MANBA: variants seen among roughly 807,000 people sequenced by gnomAD.
The protein encoded by MANBA is mannosidase beta.
In MANBA, 83 loss-of-function variants were observed where a neutral mutation model predicts 111.1. The ratio of observed to expected loss-of-function variants is 0.75; its 90% CI spans 0.63 to 0.90. The LOEUF (loss-of-function observed/expected upper bound fraction) is 0.90, where lower values mean the gene tolerates loss of function less well. MANBA is among the 40% of genes least tolerant of loss of function. The pLI, the probability that MANBA is intolerant of heterozygous loss-of-function variation, is 0.00. For synonymous variants in MANBA, 370 were observed against 378.7 expected (o/e 0.98, Z 0.27); for missense variants, 1,036 against 1,069.0 (o/e 0.97, Z 0.43).
chr4:102,668,078 A>G (rs1731305629), intron 10 of MANBA: 1 of 152,206 alleles, frequency 6.6e-6, no homozygotes, highest in Non-Finnish European at 1.5e-5. Context: ...ATGTATTGAC[A>G]AGCATCCCAC....
intron 8 of MANBA, among the ~76,000 whole-genome samples, chr4:102,671,652 T>C (rs1328271662): frequency 6.6e-6 from 1 of 152,238 alleles, no homozygotes; most frequent in Non-Finnish European, 1.5e-5. Context: ...TTTTTAAAAT[T>C]AAATTTATGT....
At chr4:102,751,503 A>G (rs1723790295) in intron 1 of MANBA, 1 of 531,350 alleles carries the variant, frequency 1.9e-6, no homozygotes, top group East Asian at 5.4e-5. Context: ...TGACCTTAGT[A>G]ACATCATCAA....
At chr4:102,718,527 T>C (rs958222125) in intron 4 of MANBA, among the ~76,000 whole-genome samples, 9 of 152,016 alleles carry the variant, frequency 5.9e-5, no homozygotes, top group African/African-American at 1.9e-4. Flanking sequence ...GCCAGAGATG[T>C]AAACGGAAAA....
rs768556902 is a variant in MANBA at position 102,760,918 on chromosome 4, T to A, written c.-24A>T. ...ATCTTGAGATCCCGCGCCACCGAGA[T>A]GTGGAGAGATCGAAAGGCAGCGCTG... On this transcript the variant is annotated 5_prime_UTR_variant, in exon 1 of 17. Coordinates refer to ENST00000647097, the MANE Select transcript of MANBA (RefSeq NM_005908.4). The A allele has an allele frequency of 2.8e-5, 44 of 1,546,206 alleles. No individual in the cohort carries two copies. The South Asian group carries it at 5.2e-4, about 18-fold the overall frequency.
intron 9 of MANBA, among the ~76,000 whole-genome samples, chr4:102,669,743 G>T (rs1449333571): frequency 6.6e-6 from 1 of 152,192 alleles, no homozygotes; most frequent in Admixed American, 6.5e-5. Context: ...AATTTTGGGA[G>T]GCCAAGGTGG....
intron 1 of MANBA, chr4:102,752,236 G>C: frequency 3.0e-6 from 3 of 984,018 alleles, no homozygotes; most frequent in East Asian, 2.4e-5. Context: ...AGGATGTTGA[G>C]TCTGACAGTC....
chr4:102,643,096 TG>T (rs1729952547), intron 13 of MANBA, among the ~76,000 whole-genome samples: 1 of 152,150 alleles, frequency 6.6e-6, no homozygotes, highest in Non-Finnish European at 1.5e-5. Context: ...AACACCATAC[TG>T]GGAAGCAGTC....
chr4:102,706,530 T>C (rs28880291), intron 5 of MANBA, among the ~76,000 whole-genome samples: 4,229 of 152,188 alleles, frequency 0.028, 134 homozygotes, highest in African/African-American at 0.078. Flanking sequence ...GATATAAACA[T>C]GAGGACACAA....
At position 102,671,128 on chromosome 4, in the gene MANBA, C is replaced by T. The variant is rs227362; in HGVS notation, c.1230+153G>A. 0.026 allele frequency: 16,562 copies of T among 635,754 alleles called. 319 individuals carry two copies. The highest frequency in any genetic ancestry group is 0.056 in the South Asian group (3,228 of 57,404). 39.4% of individuals were successfully genotyped at this position (635,754 alleles called of 1,614,324 possible). ...AATTATGGTAGTTGATCACCTATGG[C>T]TCTTGGTTTACAAGATGCCATTTAT... On this transcript the variant is annotated intron_variant, in intron 9 of 16. Transcript: ENST00000647097.
At chr4:102,692,042 A>T (rs769148419) in intron 5 of MANBA, among the ~76,000 whole-genome samples, 6 of 152,182 alleles carry the variant, frequency 3.9e-5, no homozygotes, top group Non-Finnish European at 7.4e-5. Context: ...CTTTTCGAAC[A>T]GGTAAGGAGT....
chr4:102,650,877 G>T, intron 12 of MANBA, 176 bp from the exon 13 acceptor site: 1 of 599,252 alleles, frequency 1.7e-6, no homozygotes, highest in Non-Finnish European at 3.0e-6. Context: ...TGAAGGACTA[G>T]CCTTGTGGAA....
chr4:102,699,719 T>C (rs2110255638), intron 5 of MANBA, among the ~76,000 whole-genome samples: 1 of 151,158 alleles, frequency 6.6e-6, no homozygotes. Context: ...CACTTGATCA[T>C]GGTGGATAAG....
intron 11 of MANBA, among the ~76,000 whole-genome samples, chr4:102,662,281 C>A (rs1030258985): frequency 6.6e-6 from 1 of 152,122 alleles, no homozygotes; most frequent in South Asian, 2.1e-4. Context: ...GTGGCTCACA[C>A]CTGTAATCCC....
At chr4:102,645,821 A>C (rs566575634) in intron 13 of MANBA, among the ~76,000 whole-genome samples, 2 of 152,230 alleles carry the variant, frequency 1.3e-5, no homozygotes, top group East Asian at 1.9e-4. Context: ...TATTCAAAGA[A>C]CTAACTTTTG....
chr4:102,706,160 G>A (rs1423496706), intron 5 of MANBA, among the ~76,000 whole-genome samples: 1 of 152,130 alleles, frequency 6.6e-6, no homozygotes, highest in Non-Finnish European at 1.5e-5. Flanking sequence ...ATCATGCTTG[G>A]ACTCACTAAC....
At chr4:102,750,667 C>G (rs1427339539) in intron 1 of MANBA, among the ~76,000 whole-genome samples, 7 of 152,178 alleles carry the variant, frequency 4.6e-5, no homozygotes, top group Admixed American at 2.0e-4. Flanking sequence ...AATCCCTACA[C>G]TTTGGGAGGC....
At chr4:102,754,289 T>C (rs1723921862) in intron 1 of MANBA, among the ~76,000 whole-genome samples, 1 of 152,062 alleles carries the variant, frequency 6.6e-6, no homozygotes, top group Non-Finnish European at 1.5e-5. Context: ...ACATATCCTA[T>C]GAATCAGCTA....
chr4:102,677,534 G>C (rs1731780348), intron 7 of MANBA, among the ~76,000 whole-genome samples: 1 of 152,096 alleles, frequency 6.6e-6, no homozygotes, highest in South Asian at 2.1e-4. Context: ...CAAAGTGCAA[G>C]ATAGACAAAT....
intron 1 of MANBA, among the ~76,000 whole-genome samples, chr4:102,755,141 CA>C (rs1041119863): frequency 6.6e-6 from 1 of 151,852 alleles, no homozygotes; most frequent in Non-Finnish European, 1.5e-5. Context: ...ATATGGAACC[CA>C]AAAAAAGCCC....
Sources: allele counts gnomAD v4.1 joint callset (sites outside exome capture counted in the v4.1 genomes callset), GRCh38; gene constraint gnomAD v4.1.1; transcripts MANE v1.5; gene names NCBI Gene and HGNC (gene_info 2026-07-23, HGNC 2026-07-21).